BTBD9: variants seen among roughly 807,000 people sequenced by gnomAD.
The protein encoded by BTBD9 is BTB domain containing 9.
A neutral mutation model predicts 64.3 loss-of-function variants in BTBD9; 49 were observed. The ratio of observed to expected loss-of-function variants is 0.76; its 90% CI spans 0.61 to 0.97. BTBD9 has a LOEUF of 0.97. Among genes scored for constraint, BTBD9 ranks in the 50% least tolerant of loss-of-function variants. The pLI, the probability that BTBD9 is intolerant of heterozygous loss-of-function variation, is 0.00. For synonymous variants in BTBD9, 260 were observed against 274.7 expected (o/e 0.95, Z 0.53); for missense variants, 598 against 762.1 (o/e 0.78, Z 2.53).
chr6:38,374,290 T>TATATATATATATATATATATAC (rs1344883215), intron 6 of BTBD9, among the ~76,000 whole-genome samples: 1 of 72,318 alleles, frequency 1.4e-5, no homozygotes, highest in Non-Finnish European at 2.2e-5. Flanking sequence ...AAAGTATATA[T>TATATATATATATATATATATAC]ATATATGTAT....
intron 6 of BTBD9, among the ~76,000 whole-genome samples, chr6:38,381,069 G>T (rs1472077927): frequency 3.3e-5 from 5 of 151,770 alleles, no homozygotes; most frequent in African/African-American, 1.2e-4. Context: ...AAGAATAAAA[G>T]AAGTAAAATT....
chr6:38,597,796 T>C, intron 2 of BTBD9, 114 bp downstream of exon 2: 2 of 848,664 alleles, frequency 2.4e-6, no homozygotes, highest in East Asian at 2.6e-5. Context: ...GATATTGAAT[T>C]GAGAGACTGC....
chr6:38,389,104 T>A, intron 6 of BTBD9, among the ~76,000 whole-genome samples: 1 of 152,222 alleles, frequency 6.6e-6, no homozygotes, highest in South Asian at 2.1e-4. Flanking sequence ...AGTGATTAAT[T>A]AATAGAGGTG....
At chr6:38,520,766 C>A (rs988116949) in intron 6 of BTBD9, among the ~76,000 whole-genome samples, 21 of 151,048 alleles carry the variant, frequency 1.4e-4, no homozygotes, top group Admixed American at 1.3e-3. Flanking sequence ...GACCACATCT[C>A]TACTAAATAT....
At chr6:38,559,486 A>G (rs1485954308) in intron 6 of BTBD9, among the ~76,000 whole-genome samples, 1 of 152,230 alleles carries the variant, frequency 6.6e-6, no homozygotes, top group Non-Finnish European at 1.5e-5. Flanking sequence ...TACTATCGTG[A>G]AAATGGCCAT....
chr6:38,298,983 C>T (rs9380733), intron 7 of BTBD9, among the ~76,000 whole-genome samples: 14,948 of 151,842 alleles, frequency 0.098, 1,755 homozygotes, highest in East Asian at 0.41. Flanking sequence ...ATTAGGTATA[C>T]CTCCGAATGC....
chr6:38,521,086 A>T (rs1773252355), intron 6 of BTBD9, among the ~76,000 whole-genome samples: 1 of 152,042 alleles, frequency 6.6e-6, no homozygotes, highest in South Asian at 2.1e-4. Flanking sequence ...AACAGTTAAG[A>T]TCGTGACCTT....
At chr6:38,239,160 C>T (rs1285554963) in intron 9 of BTBD9, among the ~76,000 whole-genome samples, 4 of 152,026 alleles carry the variant, frequency 2.6e-5, no homozygotes, top group Admixed American at 6.6e-5. Flanking sequence ...TGGCCAGGAG[C>T]GGTGGCTCAT....
intron 6 of BTBD9, among the ~76,000 whole-genome samples, chr6:38,513,647 C>T (rs541507135): frequency 1.3e-5 from 2 of 152,228 alleles, no homozygotes; most frequent in South Asian, 2.1e-4. Flanking sequence ...CACACACACA[C>T]ACATACACAC....
intron 7 of BTBD9, among the ~76,000 whole-genome samples, chr6:38,322,762 C>T (rs935118092): frequency 3.9e-5 from 6 of 152,174 alleles, no homozygotes; most frequent in Middle Eastern, 3.2e-3. Flanking sequence ...ATGTAAAGCA[C>T]TGAGATATAA....
chr6:38,422,240 A>G (rs1419619592), intron 6 of BTBD9, among the ~76,000 whole-genome samples: 1 of 152,204 alleles, frequency 6.6e-6, no homozygotes, highest in Non-Finnish European at 1.5e-5. Flanking sequence ...GAACCAATAT[A>G]TACAAAAATG....
At chr6:38,275,417 C>T (rs987940780) in intron 8 of BTBD9, among the ~76,000 whole-genome samples, 6 of 152,234 alleles carry the variant, frequency 3.9e-5, no homozygotes, top group African/African-American at 1.4e-4. Context: ...CTAGGCAATA[C>T]CATTCAGGAC....
chr6:38,634,133 A>C (rs771296022), intron 1 of BTBD9, among the ~76,000 whole-genome samples: 2 of 152,244 alleles, frequency 1.3e-5, no homozygotes, highest in Non-Finnish European at 2.9e-5. Flanking sequence ...AATAGTGAGT[A>C]GCTAAGCTGT....
chr6:38,426,257 C>T (rs968841016), intron 6 of BTBD9, among the ~76,000 whole-genome samples: 2 of 151,888 alleles, frequency 1.3e-5, no homozygotes, highest in African/African-American at 2.4e-5. Flanking sequence ...CAGCTCACAC[C>T]CAACCAATCA....
At chr6:38,541,301 T>C (rs973452313) in intron 6 of BTBD9, among the ~76,000 whole-genome samples, 24 of 152,332 alleles carry the variant, frequency 1.6e-4, no homozygotes, top group African/African-American at 5.3e-4. Context: ...TTACATTACC[T>C]ATGCATATAC....
At chr6:38,291,792 C>T (rs147772737) in intron 7 of BTBD9, among the ~76,000 whole-genome samples, 43 of 152,162 alleles carry the variant, frequency 2.8e-4, no homozygotes, top group Non-Finnish European at 4.3e-4. Flanking sequence ...TGATGGATTA[C>T]GTTTATTGAT....
chr6:38,299,262 G>C (rs1315825890), intron 7 of BTBD9, among the ~76,000 whole-genome samples: 1 of 152,142 alleles, frequency 6.6e-6, no homozygotes, highest in African/African-American at 2.4e-5. Flanking sequence ...ATCATTGTTG[G>C]ACATTTGGGT....
chr6:38,587,931 C>A (rs1776615059), intron 4 of BTBD9: 2 of 722,890 alleles, frequency 2.8e-6, no homozygotes, highest in South Asian at 1.4e-5. Context: ...AGTGCTCCTG[C>A]AGAAGACTGT....
intron 6 of BTBD9, among the ~76,000 whole-genome samples, chr6:38,348,496 C>A (rs1478472273): frequency 6.6e-6 from 1 of 152,152 alleles, no homozygotes; most frequent in Non-Finnish European, 1.5e-5. Context: ...GCAGCTCAGA[C>A]AGTTGGAAGA....
Sources: allele counts gnomAD v4.1 joint callset (sites outside exome capture counted in the v4.1 genomes callset), GRCh38; gene constraint gnomAD v4.1.1; transcripts MANE v1.5; gene names NCBI Gene and HGNC (gene_info 2026-07-23, HGNC 2026-07-21).